ACCSL: variants seen among roughly 807,000 people sequenced by gnomAD.
ACCSL encodes the protein 1-aminocyclopropane-1-carboxylate synthase homolog (inactive) like.
In ACCSL, 55 loss-of-function variants were observed where a neutral mutation model predicts 61.7. That is an observed-to-expected ratio of 0.89 (90% CI 0.72 to 1.12). The LOEUF (loss-of-function observed/expected upper bound fraction) is 1.12. Among genes scored for constraint, ACCSL ranks in the 50% most tolerant of loss-of-function variants. ACCSL has a pLI of 0.00. For synonymous variants in ACCSL, 258 were observed against 264.3 expected, an observed-to-expected ratio of 0.98 and a Z score of 0.23; for missense variants, 632 against 698.0, an observed-to-expected ratio of 0.91 and a Z score of 1.07.
chr11:43,940,048 GT>G, the ACCSL span, among the ~76,000 whole-genome samples: 1 of 152,206 alleles, frequency 6.6e-6, no homozygotes, highest in African/African-American at 2.4e-5. Context: ...AGCCTTCAGT[GT>G]TGTGAGGTCA....
chr11:43,948,527 G>T, the ACCSL span, among the ~76,000 whole-genome samples: 2 of 152,108 alleles, frequency 1.3e-5, no homozygotes, highest in Non-Finnish European at 1.5e-5. Flanking sequence ...AGGCTGGAGC[G>T]CAGTGGAGCA....
the ACCSL span, among the ~76,000 whole-genome samples, chr11:43,960,135 G>A: frequency 2.6e-5 from 4 of 152,116 alleles, no homozygotes; most frequent in East Asian, 7.7e-4. Flanking sequence ...TTCCAGGAGA[G>A]GCTGGCACCC....
chr11:44,050,224 G>A, intron 2 of ACCSL, 103 bp downstream of exon 2: 3 of 969,476 alleles, frequency 3.1e-6, no homozygotes, highest in Non-Finnish European at 5.0e-6. Context: ...ATAGGAGCCT[G>A]GGAAGAGGAG....
At chr11:44,001,423 G>C in the ACCSL span, among the ~76,000 whole-genome samples, 1 of 151,470 alleles carries the variant, frequency 6.6e-6, no homozygotes, top group African/African-American at 2.4e-5. Context: ...ACAGCAACAG[G>C]CATCCAAACT....
chr11:43,969,192 A>G, the ACCSL span, among the ~76,000 whole-genome samples: 1 of 151,914 alleles, frequency 6.6e-6, no homozygotes. Context: ...CTACCAAAAA[A>G]ACAAAAACAA....
At chr11:43,928,521 C>T in the ACCSL span, among the ~76,000 whole-genome samples, 1 of 152,182 alleles carries the variant, frequency 6.6e-6, no homozygotes, top group Non-Finnish European at 1.5e-5. Flanking sequence ...TCCGAGGAAA[C>T]AGTCTGTGCT....
At chr11:43,951,152 C>T in the ACCSL span, among the ~76,000 whole-genome samples, 1 of 152,196 alleles carries the variant, frequency 6.6e-6, no homozygotes, top group African/African-American at 2.4e-5. Flanking sequence ...ATTGGCTGCT[C>T]TTTGTGGCTT....
the ACCSL span, among the ~76,000 whole-genome samples, chr11:44,008,598 C>T: frequency 6.6e-6 from 1 of 152,202 alleles, no homozygotes; most frequent in Non-Finnish European, 1.5e-5. Flanking sequence ...GCTGTATGAC[C>T]GCGAAGCATA....
the ACCSL span, among the ~76,000 whole-genome samples, chr11:43,999,782 T>C: frequency 6.6e-6 from 1 of 152,158 alleles, no homozygotes; most frequent in Non-Finnish European, 1.5e-5. Context: ...ATCCCCTTCC[T>C]GATCCCATGT....
At chr11:43,966,993 C>A in the ACCSL span, among the ~76,000 whole-genome samples, 52,590 of 151,600 alleles carry the variant, frequency 0.35, 9,554 homozygotes, top group East Asian at 0.6. Flanking sequence ...ATCATTTTCT[C>A]TCTAGTTAAC....
the ACCSL span, among the ~76,000 whole-genome samples, chr11:43,983,940 A>AC: frequency 6.6e-6 from 1 of 151,680 alleles, no homozygotes; most frequent in Non-Finnish European, 1.5e-5. Context: ...ACATGGTGAA[A>AC]CCCCCTCTCT....
At chr11:44,031,861 G>A in the ACCSL span, among the ~76,000 whole-genome samples, 4 of 152,078 alleles carry the variant, frequency 2.6e-5, no homozygotes, top group African/African-American at 7.2e-5. Flanking sequence ...GGACAGTCGC[G>A]GGGGCTGTCA....
the ACCSL span, among the ~76,000 whole-genome samples, chr11:43,979,680 C>T: frequency 2.0e-5 from 3 of 151,880 alleles, no homozygotes; most frequent in African/African-American, 7.3e-5. Context: ...TTGTTCGTCT[C>T]TACTAAAAAT....
At chr11:43,941,706 T>C in the ACCSL span, among the ~76,000 whole-genome samples, 1 of 152,234 alleles carries the variant, frequency 6.6e-6, no homozygotes, top group Non-Finnish European at 1.5e-5. Flanking sequence ...CATCAGATAC[T>C]AGTGGACCAG....
At chr11:44,042,419 T>G in the ACCSL span, among the ~76,000 whole-genome samples, 344 of 152,320 alleles carry the variant, frequency 2.3e-3, no homozygotes, top group African/African-American at 7.8e-3. Context: ...GATTGAAGTG[T>G]AGCCATAGAA....
the ACCSL span, among the ~76,000 whole-genome samples, chr11:43,998,119 G>C: frequency 2.6e-5 from 4 of 152,222 alleles, no homozygotes; most frequent in Non-Finnish European, 5.9e-5. Flanking sequence ...TTGGTGTAAA[G>C]GGGGTGACAA....
chr11:43,936,362 G>A, the ACCSL span, among the ~76,000 whole-genome samples: 1 of 152,218 alleles, frequency 6.6e-6, no homozygotes, highest in Non-Finnish European at 1.5e-5. Flanking sequence ...CAAGTTGGGG[G>A]CTGGGTAGGT....
the ACCSL span, among the ~76,000 whole-genome samples, chr11:43,961,749 T>C: frequency 3.3e-5 from 5 of 152,026 alleles, no homozygotes; most frequent in African/African-American, 9.7e-5. Context: ...TCTCTCCTCT[T>C]TCTGATGCAG....
the ACCSL span, among the ~76,000 whole-genome samples, chr11:44,001,984 C>A: frequency 6.6e-6 from 1 of 151,962 alleles, no homozygotes; most frequent in East Asian, 1.9e-4. Flanking sequence ...ACAGCTCATT[C>A]CTAGTATTAA....
Sources: gnomAD v4.1 joint callset for allele counts (sites outside exome capture counted in the v4.1 genomes callset) on GRCh38, gnomAD v4.1.1 for gene constraint, MANE v1.5 for transcripts, NCBI Gene and HGNC (gene_info 2026-07-23, HGNC 2026-07-21) for gene names.